PRKG1: variants seen among roughly 807,000 people sequenced by gnomAD.
The protein encoded by PRKG1 is protein kinase cGMP-dependent 1.
PRKG1 carries 35 observed loss-of-function variants against 88.1 expected under a neutral mutation model. The ratio of observed to expected loss-of-function variants is 0.40; its 90% CI spans 0.30 to 0.53. The LOEUF (loss-of-function observed/expected upper bound fraction) is 0.53, where lower values mean the gene tolerates loss of function less well. PRKG1 is among the 20% of genes least tolerant of loss of function. The pLI is 0.59. For missense variants in PRKG1, 540 were observed against 839.8 expected, an observed-to-expected ratio of 0.64 and a Z score of 4.41; for synonymous variants, 303 against 292.5, an observed-to-expected ratio of 1.04 and a Z score of -0.37.
chr10:52,144,705 T>A (rs1365764826), intron 8 of PRKG1, among the ~76,000 whole-genome samples: 1 of 139,356 alleles, frequency 7.2e-6, no homozygotes, highest in Non-Finnish European at 1.6e-5. Flanking sequence ...TAGTCCCAGC[T>A]ACTTGGGAAG....
intron 3 of PRKG1, among the ~76,000 whole-genome samples, chr10:51,789,248 C>G: frequency 6.6e-6 from 1 of 152,162 alleles, no homozygotes; most frequent in East Asian, 1.9e-4. Context: ...ATGACATTTA[C>G]CAAACATGTG....
intron 3 of PRKG1, among the ~76,000 whole-genome samples, chr10:51,540,502 T>C (rs899236564): frequency 6.6e-6 from 1 of 152,156 alleles, no homozygotes; most frequent in African/African-American, 2.4e-5. Flanking sequence ...CCTAATTGCT[T>C]ATTTGTTTCA....
chr10:51,087,360 A>T (rs534276467), intron 1 of PRKG1, among the ~76,000 whole-genome samples: 1 of 152,300 alleles, frequency 6.6e-6, no homozygotes, highest in East Asian at 1.9e-4. Flanking sequence ...ACTGTATACC[A>T]TATATGTGAT....
At chr10:51,684,823 C>T (rs777325178) in intron 3 of PRKG1, among the ~76,000 whole-genome samples, 5 of 152,098 alleles carry the variant, frequency 3.3e-5, no homozygotes, top group East Asian at 1.9e-4. Flanking sequence ...GCCAAGATCA[C>T]GCCATTGCAT....
At position 52,256,374 on chromosome 10, in the gene PRKG1, C is replaced by T. The variant is rs1841308375; in HGVS notation, c.1173+4708C>T. Among the ~76,000 whole-genome samples, 3 of 138,878 alleles carry T rather than the reference C, an allele frequency of 2.2e-5. 1 individual carries two copies. The allele number at this position is 138,878 out of a possible 152,430, so 91.1% of individuals were successfully genotyped here. A position where few individuals can be genotyped will look rare whatever the true frequency, so the allele number is the denominator to read the frequency against. ...AAAATACCTGCAGAGAAAAAAAATC[C>T]GACAGTGTAACATGGTAGCTAGAAG... On this transcript the variant is annotated intron_variant, in intron 10 of 17. Coordinates refer to ENST00000373980, the MANE Select transcript of PRKG1 (RefSeq NM_006258.4).
intron 8 of PRKG1, among the ~76,000 whole-genome samples, chr10:52,146,705 C>A (rs545862180): frequency 5.1e-4 from 78 of 152,162 alleles, no homozygotes; most frequent in Middle Eastern, 3.2e-3. Flanking sequence ...AGTTTCTTGA[C>A]TGTGCTTGGG....
chr10:51,566,982 G>T (rs1234723491), intron 3 of PRKG1, among the ~76,000 whole-genome samples: 1 of 151,792 alleles, frequency 6.6e-6, no homozygotes, highest in Non-Finnish European at 1.5e-5. Flanking sequence ...ACTATGGGAG[G>T]TGATAATATG....
intron 3 of PRKG1, among the ~76,000 whole-genome samples, chr10:51,534,347 A>G (rs919341899): frequency 7.2e-5 from 11 of 152,164 alleles, no homozygotes; most frequent in Non-Finnish European, 1.5e-4. Context: ...GAAATTGCCA[A>G]TATTCAACAA....
At chr10:51,799,365 C>G (rs765571466) in intron 3 of PRKG1, among the ~76,000 whole-genome samples, 3 of 152,004 alleles carry the variant, frequency 2.0e-5, no homozygotes, top group Non-Finnish European at 2.9e-5. Flanking sequence ...CTGACTACCC[C>G]CTAGCATCTC....
chr10:51,627,998 C>T (rs188148790), intron 3 of PRKG1, among the ~76,000 whole-genome samples: 38,909 of 78,186 alleles, frequency 0.5, 10,963 homozygotes, highest in South Asian at 0.65. Flanking sequence ...CTTTCTCTCT[C>T]TCTCTCTCTC....
chr10:51,792,587 C>T (rs758311950), intron 3 of PRKG1, among the ~76,000 whole-genome samples: 3 of 152,092 alleles, frequency 2.0e-5, no homozygotes, highest in Non-Finnish European at 4.4e-5. Context: ...TGGAGCATTC[C>T]TTGTTTCCAT....
At chr10:51,904,839 C>T (rs1047591571) in intron 4 of PRKG1, among the ~76,000 whole-genome samples, 1 of 152,056 alleles carries the variant, frequency 6.6e-6, no homozygotes, top group African/African-American at 2.4e-5. Flanking sequence ...TTTGTTTTCA[C>T]TTAATGCATT....
At chr10:51,392,910 GACCACCCCCACCTCCCTCCC>G (rs1837460959) in intron 2 of PRKG1, among the ~76,000 whole-genome samples, 1 of 64,814 alleles carries the variant, frequency 1.5e-5, no homozygotes, top group Admixed American at 1.3e-4. Context: ...GTGGGGGGCT[GACCACCCCCACCTCCCTCCC>G]GGACGGGGCG....
At chr10:51,582,864 T>C (rs1432489046) in intron 3 of PRKG1, among the ~76,000 whole-genome samples, 1 of 152,158 alleles carries the variant, frequency 6.6e-6, no homozygotes, top group Non-Finnish European at 1.5e-5. Context: ...AAAAGAAATA[T>C]GAATACTTTC....
chr10:51,804,135 G>A (rs1032671192), intron 3 of PRKG1, among the ~76,000 whole-genome samples: 1 of 152,102 alleles, frequency 6.6e-6, no homozygotes, highest in African/African-American at 2.4e-5. Flanking sequence ...CCCTAAGCCT[G>A]AAAATTGAAA....
intron 3 of PRKG1, among the ~76,000 whole-genome samples, chr10:51,611,910 G>A (rs930356217): frequency 6.6e-6 from 1 of 151,896 alleles, no homozygotes; most frequent in Non-Finnish European, 1.5e-5. Flanking sequence ...TCCCCAATGT[G>A]TGTTCTTAAT....
chr10:51,887,848 A>G lies in PRKG1; in HGVS notation c.699-19659A>G, dbSNP rs1029548242. 2.6e-5 allele frequency among the ~76,000 whole-genome samples: 4 copies of G among 152,262 alleles called. No homozygotes were observed. The South Asian group carries it at 6.2e-4, about 24-fold the overall frequency. On this transcript the variant is annotated intron_variant, in intron 4 of 17. Coordinates refer to ENST00000373980, the MANE Select transcript of PRKG1 (RefSeq NM_006258.4). Reference sequence around the variant, plus strand: ...CCTTTATATTGGACATTAATCTCTTATGAGATAGGTGGTAGCCAGAGGTTG... The same window carrying G: ...CCTTTATATTGGACATTAATCTCTTGTGAGATAGGTGGTAGCCAGAGGTTG...
At chr10:51,129,056 AATG>A in intron 1 of PRKG1, among the ~76,000 whole-genome samples, 1 of 152,296 alleles carries the variant, frequency 6.6e-6, no homozygotes, top group East Asian at 1.9e-4. Context: ...CAGGTGATCT[AATG>A]ATGATGATGA....
rs545195374 is a variant in PRKG1, at chr10:52,171,786, A to ATTTTTTTT, written c.1076+9843_1076+9850dup. Among the ~76,000 whole-genome samples, 126 of 93,834 alleles carry ATTTTTTTT rather than the reference A, an allele frequency of 1.3e-3. 4 individuals are homozygous for ATTTTTTTT. Among genetic ancestry groups the ATTTTTTTT allele is most frequent in the African/African-American group, 4.9e-3 (115 of 23,426 alleles). The allele number at this position is 93,834 out of a possible 152,430, so 61.6% of individuals were successfully genotyped here. On this transcript the variant is annotated intron_variant, in intron 9 of 17. Transcript: ENST00000373980. ...ATAGAAGTATTTTTCTTTTATCAAA[A>ATTTTTTTT]TTTTTTTTTTTTTTTTTTTTTTTTT...
Sources: gnomAD v4.1 joint callset for allele counts (sites outside exome capture counted in the v4.1 genomes callset) on GRCh38, gnomAD v4.1.1 for gene constraint, MANE v1.5 for transcripts, NCBI Gene and HGNC (gene_info 2026-07-23, HGNC 2026-07-21) for gene names.